SMPDL3A: variants seen among roughly 807,000 people sequenced by gnomAD.
SMPDL3A encodes the protein sphingomyelin phosphodiesterase acid like 3A.
A neutral mutation model predicts 38.5 loss-of-function variants in SMPDL3A; 39 were observed. That is an observed-to-expected ratio of 1.01 (90% CI 0.78 to 1.32). The LOEUF (loss-of-function observed/expected upper bound fraction) is 1.32. Ranked by LOEUF, SMPDL3A falls within the 40% of genes most tolerant of loss-of-function variation. SMPDL3A has a pLI of 0.00. For synonymous variants in SMPDL3A, 180 were observed against 194.3 expected (o/e 0.93, Z 0.61); for missense variants, 502 against 536.2 (o/e 0.94, Z 0.63).
intron 3 of SMPDL3A, 82 bp downstream of exon 3, chr6:122,797,050 A>C: frequency 1.7e-6 from 2 of 1,183,126 alleles, no homozygotes; most frequent in Non-Finnish European, 2.5e-6. Flanking sequence ...CTAGCTAGTG[A>C]TAGGGCATGG....
chr6:122,809,205 A>T lies in SMPDL3A; in HGVS notation c.1159A>T (p.Ser387Cys), dbSNP rs143610340. Residue 387 changes from serine (S) to cysteine (C), a missense_variant, in exon 8 of 8, where the codon AGT becomes TGT. Coordinates refer to ENST00000368440, the MANE Select transcript of SMPDL3A (RefSeq NM_006714.5). ...CGACATTGAAGATTTGCAGCCGGAA[A>T]GTTTATATGGATTAGCTAAACAATT... ...TYDIEDLQPE[S>C]LYGLAKQFTI... 3 of 1,614,114 alleles carry T rather than the reference A, an allele frequency of 1.9e-6. No individual in the cohort carries two copies. Among genetic ancestry groups the T allele is most frequent in the Non-Finnish European group, 2.5e-6 (3 of 1,180,048 alleles).
At chr6:122,804,762 CTCTT>C (rs758101282) in intron 5 of SMPDL3A, 143 bp from the exon 6 acceptor site, 160 of 648,942 alleles carry the variant, frequency 2.5e-4, no homozygotes, top group Admixed American at 2.3e-3. Context: ...ATAATTTCAT[CTCTT>C]TTTCTTATAA....
rs374757949 is a variant in SMPDL3A, at chr6:122,803,660, A to G, written c.569-4A>G. ...CTAAATGTGTTTTAAAATTGTTTTT[A>G]TAGGTGGTTTTTATTCACAGAAAGT... On this transcript the variant is annotated splice_region_variant and splice_polypyrimidine_tract_variant and intron_variant, in intron 4 of 7. Transcript: ENST00000368440. The G allele has an allele frequency of 7.5e-6, 12 of 1,606,786 alleles. No individual in the cohort carries two copies. In the Admixed American group the frequency reaches 8.4e-5, roughly 11 times the overall value.
chr6:122,804,740 C>T (rs1781544704), intron 5 of SMPDL3A, among the ~76,000 whole-genome samples, 169 bp from the exon 6 acceptor site: 1 of 151,938 alleles, frequency 6.6e-6, no homozygotes, highest in Admixed American at 6.6e-5. Flanking sequence ...ATATAGTGAC[C>T]CTAATAGTTT....
chr6:122,805,092 A>G lies in SMPDL3A; in HGVS notation c.919+3A>G. 3.8e-6 allele frequency: 6 copies of G among 1,598,238 alleles called. No individual in the cohort carries two copies. Among genetic ancestry groups the G allele is most frequent in the Non-Finnish European group, 5.1e-6 (6 of 1,173,926 alleles). ...TATGGTTCTTTCAGATAAAAAAGGT[A>G]ATGTAATGCTGTGTTTGCATCTCCC... On this transcript the variant is annotated splice_donor_region_variant and intron_variant, in intron 6 of 7. Coordinates refer to ENST00000368440, the MANE Select transcript of SMPDL3A (RefSeq NM_006714.5).
intron 7 of SMPDL3A, among the ~76,000 whole-genome samples, 162 bp downstream of exon 7, chr6:122,806,519 T>A (rs886596170): frequency 2.6e-5 from 4 of 152,218 alleles, no homozygotes; most frequent in Non-Finnish European, 5.9e-5. Flanking sequence ...TATCAGGACT[T>A]ACTAAGTGTG....
At chr6:122,803,908 A>C in intron 5 of SMPDL3A, 75 bp downstream of exon 5, 1 of 1,178,394 alleles carries the variant, frequency 8.5e-7, no homozygotes, top group Admixed American at 2.1e-5. Context: ...CTCGGGGTAG[A>C]CTCCAGTATC....
chr6:122,796,487 AT>A (rs1310075365), intron 2 of SMPDL3A, among the ~76,000 whole-genome samples: 20 of 152,206 alleles, frequency 1.3e-4, no homozygotes, highest in African/African-American at 4.8e-4. Context: ...ACAACTAGTA[AT>A]TGGCAAAGCT....
chr6:122,794,142 C>T (rs1480266623), intron 1 of SMPDL3A, among the ~76,000 whole-genome samples: 1 of 152,044 alleles, frequency 6.6e-6, no homozygotes, highest in Non-Finnish European at 1.5e-5. Context: ...ACTGGTTTTT[C>T]AATTCTAAAA....
In SMPDL3A at chr6:122,789,259, T is replaced by C. The variant is rs1780969909; in HGVS notation, c.-88T>C. 5 of 913,712 alleles carry C rather than the reference T, an allele frequency of 5.5e-6. No homozygotes were observed. Among genetic ancestry groups the C allele is most frequent in the South Asian group, 3.3e-5 (2 of 60,422 alleles). The allele number at this position is 913,712 out of a possible 1,614,324, so 56.6% of individuals were successfully genotyped here. ...AGTCGGACGTCTACACCCGCAGCCG[T>C]CTTCTGTCTCCGCCTCACCCTCAGG... On this transcript the variant is annotated 5_prime_UTR_variant, in exon 1 of 8. Transcript: ENST00000368440.
At chr6:122,805,525 T>G (rs1337494830) in intron 6 of SMPDL3A, among the ~76,000 whole-genome samples, 1 of 152,226 alleles carries the variant, frequency 6.6e-6, no homozygotes, top group African/African-American at 2.4e-5. Context: ...AAGCTCTTAC[T>G]TGCAAGTTCT....
intron 7 of SMPDL3A, among the ~76,000 whole-genome samples, chr6:122,808,784 C>G (rs12207717): frequency 0.42 from 63,673 of 151,642 alleles, 14,089 homozygotes; most frequent in Admixed American, 0.52. Flanking sequence ...CGGGTTCAAG[C>G]GATTCTTCTG....
At chr6:122,789,587 C>A in intron 1 of SMPDL3A, 129 bp downstream of exon 1, 1 of 907,176 alleles carries the variant, frequency 1.1e-6, no homozygotes, top group Non-Finnish European at 1.7e-6. Context: ...GGGCCCCTGA[C>A]GCGTCCGGCG....
At chr6:122,791,419 C>T (rs1781072270) in intron 1 of SMPDL3A, among the ~76,000 whole-genome samples, 1 of 152,118 alleles carries the variant, frequency 6.6e-6, no homozygotes, top group Non-Finnish European at 1.5e-5. Flanking sequence ...AGACTGAAAA[C>T]CTAACTTAAG....
rs1317316135 is a variant in SMPDL3A at position 122,796,830 on chromosome 6, C to T, written c.333C>T (p.Ser111=). 1 of 1,609,910 alleles carries T rather than the reference C, an allele frequency of 6.2e-7. No individual in the cohort carries two copies. Among genetic ancestry groups the T allele is most frequent in the Non-Finnish European group, 8.5e-7 (1 of 1,178,306 alleles). The change falls in exon 3 of 8, where the codon AGC becomes AGT. Residue 111 remains serine (S), a synonymous_variant. Transcript: ENST00000368440. ...AATCTCTCTCTTTTTTCAGGGATAG[C>T]CCACCTCATGTTCCTGTACCTGAAC... is the stretch of plus-strand genomic sequence containing the variant. The part of the protein sequence containing the change: ...EASFMIWTGD[S]PPHVPVPELS...
At chr6:122,809,022 C>T (rs952550217) in intron 7 of SMPDL3A, 69 bp from the exon 8 acceptor site, 23 of 1,168,388 alleles carry the variant, frequency 2.0e-5, no homozygotes, top group South Asian at 2.7e-5. Context: ...TAAACATGAA[C>T]GCTTCTTGTT....
At position 122,799,516 on chromosome 6, in the gene SMPDL3A, G is replaced by T. The variant is rs186823861; in HGVS notation, c.472-1794G>T. ...CTTCTCCATCACCACACCATACTTGGCATCCATCCCAAAGTAAATAAATGG... is the reference window on the plus strand; with the variant it reads ...CTTCTCCATCACCACACCATACTTGTCATCCATCCCAAAGTAAATAAATGG... On this transcript the variant is annotated intron_variant, in intron 3 of 7. Transcript: ENST00000368440. Among the ~76,000 whole-genome samples the T allele has an allele frequency of 2.6e-5, 4 of 152,170 alleles. No homozygotes were observed. The East Asian group carries it at 7.7e-4, about 29-fold the overall frequency.
intron 7 of SMPDL3A, among the ~76,000 whole-genome samples, chr6:122,807,086 G>A (rs576525062): frequency 4.0e-5 from 6 of 149,606 alleles, no homozygotes; most frequent in South Asian, 2.1e-4. Context: ...AGAGATGGGG[G>A]GGGGGGGTCT....
At position 122,806,283 on chromosome 6, in the gene SMPDL3A, AGT is replaced by A. The variant is rs759602306; in HGVS notation, c.973_974del (p.Val325PhefsTer16). ...GGCTCCTGCTGTTACACCAGTGAAGAGTGTTTTAGAAAAACAGACCAACAATC... is the reference window on the plus strand; with the variant it reads ...GGCTCCTGCTGTTACACCAGTGAAGAGTTTTAGAAAAACAGACCAACAATC... ...FVAPAVTPVK[S>X]VLEKQTNNPG... On this transcript the variant is annotated frameshift_variant, in exon 7 of 8. Transcript: ENST00000368440. LOFTEE classifies it high-confidence loss of function. 153 of 1,613,000 alleles carry A rather than the reference AGT, an allele frequency of 9.5e-5. No homozygotes were observed. The highest frequency in any genetic ancestry group is 1.3e-4 in the Non-Finnish European group (152 of 1,179,248).
Sources: gnomAD v4.1 joint callset for allele counts (sites outside exome capture counted in the v4.1 genomes callset) on GRCh38, gnomAD v4.1.1 for gene constraint, MANE v1.5 for transcripts, NCBI Gene and HGNC (gene_info 2026-07-23, HGNC 2026-07-21) for gene names.